The following RPS6KA6 variants were observed in gnomAD, a reference collection of about 807,000 sequenced individuals.
RPS6KA6 encodes the protein ribosomal protein S6 kinase A6.
In RPS6KA6, 27 loss-of-function variants were observed where a neutral mutation model predicts 65.4. That is an observed-to-expected ratio of 0.41 (90% CI 0.30 to 0.57). The LOEUF is 0.57. Among genes scored for constraint, RPS6KA6 ranks in the 20% least tolerant of loss-of-function variants. The pLI is 0.24. For synonymous variants in RPS6KA6, 190 were observed against 184.2 expected (o/e 1.03, Z -0.26); for missense variants, 486 against 555.6 (o/e 0.87, Z 1.26).
At chrX:84,130,475 A>G (rs1337847702) in intron 8 of RPS6KA6, among the ~76,000 whole-genome samples, 1 of 111,845 alleles carries the variant, frequency 8.9e-6, no homozygotes, top group Admixed American at 9.5e-5. Flanking sequence ...TACTCAACAT[A>G]TGATCAACTA....
At chrX:84,064,449 T>TAA (rs35061036) in intron 21 of RPS6KA6, 47 bp from the exon 22 acceptor site, 661 of 928,324 alleles carry the variant, frequency 7.1e-4, no homozygotes, top group South Asian at 1.6e-3. Flanking sequence ...ATTCTGGAGT[T>TAA]AAAAAAAAAA....
At chrX:84,143,172 A>G (rs921889271) in intron 6 of RPS6KA6, among the ~76,000 whole-genome samples, 2 of 111,333 alleles carry the variant, frequency 1.8e-5, no homozygotes, top group Non-Finnish European at 3.8e-5. Context: ...ACATCTGACT[A>G]TCAATCGATG....
intron 17 of RPS6KA6, 30 bp from the exon 18 acceptor site, chrX:84,102,228 C>T (rs1174855909): frequency 1.4e-6 from 1 of 718,721 alleles, no homozygotes; most frequent in African/African-American, 2.2e-5. Flanking sequence ...AGCATTATAT[C>T]TATATAATTA....
rs189343233 is a variant in RPS6KA6, at chrX:84,180,288, C to T, written c.81+7531G>A. 2.6e-3 allele frequency among the ~76,000 whole-genome samples: 293 copies of T among 111,970 alleles called. 1 individual carries two copies. The highest frequency in any genetic ancestry group is 9.2e-3 in the African/African-American group (284 of 30,955). On this transcript the variant is annotated intron_variant, in intron 1 of 21. Coordinates refer to ENST00000262752, the MANE Select transcript of RPS6KA6 (RefSeq NM_014496.5). ...AAAAATGTTTTATGTAATAATTTCC[C>T]CAGAATCTTCAGAAAGAAAGTGCAA...
rs892977580 is a variant in RPS6KA6 at position 84,063,503 on chromosome X, C to A, written c.*774G>T. 1 of 110,940 alleles carries A rather than the reference C, an allele frequency of 9.0e-6. No homozygotes were observed. The highest frequency in any genetic ancestry group is 3.3e-5 in the African/African-American group (1 of 30,568). 9.1% of individuals were successfully genotyped at this position (110,940 alleles called of 1,213,427 possible). ...TAACTATGACCTATTTATAAGATTA[C>A]ACCAACAGTATAAAGCCTTTGGAAA... On this transcript the variant is annotated 3_prime_UTR_variant, in exon 22 of 22. Transcript: ENST00000262752.
intron 12 of RPS6KA6, among the ~76,000 whole-genome samples, chrX:84,110,528 G>T (rs937004687): frequency 1.8e-5 from 2 of 111,881 alleles, no homozygotes; most frequent in Non-Finnish European, 3.8e-5. Flanking sequence ...TGCCACAGCT[G>T]GCTTGTACTG....
intron 6 of RPS6KA6, among the ~76,000 whole-genome samples, chrX:84,135,985 T>C (rs947318422): frequency 6.3e-5 from 7 of 111,843 alleles, no homozygotes; most frequent in African/African-American, 2.3e-4. Flanking sequence ...GACAATAATA[T>C]CTGCTGTATA....
At chrX:84,091,907 TATC>T (rs1290557473) in intron 20 of RPS6KA6, among the ~76,000 whole-genome samples, 4 of 111,554 alleles carry the variant, frequency 3.6e-5, no homozygotes, top group African/African-American at 3.3e-5. Flanking sequence ...TGGAAGCTAT[TATC>T]CTCAGCAAAC....
At chrX:84,116,724 T>C (rs1341787649) in intron 11 of RPS6KA6, among the ~76,000 whole-genome samples, 2 of 105,601 alleles carry the variant, frequency 1.9e-5, no homozygotes, top group African/African-American at 6.8e-5. Flanking sequence ...TACAGAAACA[T>C]AATATTTACT....
At chrX:84,080,199 C>A (rs958748239) in intron 20 of RPS6KA6, among the ~76,000 whole-genome samples, 3 of 104,294 alleles carry the variant, frequency 2.9e-5, no homozygotes, top group Non-Finnish European at 5.9e-5. Context: ...CTTTGCTGTT[C>A]TGCAGCCTCT....
At chrX:84,177,596 T>C (rs749379811) in intron 1 of RPS6KA6, among the ~76,000 whole-genome samples, 23 of 111,835 alleles carry the variant, frequency 2.1e-4, no homozygotes, top group Non-Finnish European at 4.1e-4. Context: ...TAAAATCAAC[T>C]TAATTAGCAC....
chrX:84,074,950 C>T (rs2033629898), intron 20 of RPS6KA6, among the ~76,000 whole-genome samples: 1 of 111,807 alleles, frequency 8.9e-6, no homozygotes, highest in Non-Finnish European at 1.9e-5. Flanking sequence ...AAAAAAGACT[C>T]AAGGCCGGGC....
intron 8 of RPS6KA6, among the ~76,000 whole-genome samples, chrX:84,124,846 T>A: frequency 9.0e-6 from 1 of 111,678 alleles, no homozygotes; most frequent in East Asian, 2.8e-4. Context: ...CAAAGAAGAC[T>A]ACCTCAAGGC....
intron 12 of RPS6KA6, among the ~76,000 whole-genome samples, chrX:84,114,525 C>T (rs1382661549): frequency 9.1e-6 from 1 of 110,352 alleles, no homozygotes; most frequent in Non-Finnish European, 1.9e-5. Context: ...CAAAAAAAAA[C>T]ATACTGACCA....
At chrX:84,176,154 C>T (rs1158931420) in intron 1 of RPS6KA6, among the ~76,000 whole-genome samples, 1 of 111,654 alleles carries the variant, frequency 9.0e-6, no homozygotes, top group East Asian at 2.8e-4. Context: ...AATGCAGCTT[C>T]CTGGTTTCTA....
At position 84,061,170 on chromosome X, in the gene RPS6KA6, T is replaced by G. The variant is rs1021701129; in HGVS notation, c.*3107A>C. ...GCTTTGCCCACTTTAAAGCCTAAGT[T>G]TTCTTGTGGGCCTTAGGGCCAAGAT... On this transcript the variant is annotated 3_prime_UTR_variant, in exon 22 of 22. Transcript: ENST00000262752. The G allele has an allele frequency of 2.7e-5, 3 of 112,544 alleles. No individual in the cohort carries two copies. Among genetic ancestry groups the G allele is most frequent in the African/African-American group, 9.7e-5 (3 of 31,034 alleles). 9.3% of individuals were successfully genotyped at this position (112,544 alleles called of 1,213,427 possible). A position where few individuals can be genotyped will look rare whatever the true frequency, so the allele number is the denominator to read the frequency against.
Position 84,187,992 on chromosome X carries a change from C to T in RPS6KA6, c.-93G>A, listed in dbSNP as rs1030931711. 8.1e-6 allele frequency: 5 copies of T among 620,102 alleles called. No homozygotes were observed. Among genetic ancestry groups the T allele is most frequent in the African/African-American group, 2.5e-5 (1 of 40,122 alleles). The allele number at this position is 620,102 out of a possible 1,213,427, so 51.1% of individuals were successfully genotyped here. A position where few individuals can be genotyped will look rare whatever the true frequency, so the allele number is the denominator to read the frequency against. ...TGAACTGGCCCGCCGCCGCCGCCGC[C>T]GCCGCCGCCGCCGCCGCGACCCCCA... On this transcript the variant is annotated 5_prime_UTR_variant, in exon 1 of 22. Coordinates refer to ENST00000262752, the MANE Select transcript of RPS6KA6 (RefSeq NM_014496.5).
At position 84,064,247 on chromosome X, in the gene RPS6KA6, A is replaced by G. The variant is rs1046055608; in HGVS notation, c.*30T>C. ...AAGCCACACATTTAATTTCATCTTC[A>G]TCCAGTTTGGCCTAGGAACACCACA... is the stretch of plus-strand genomic sequence containing the variant. On this transcript the variant is annotated 3_prime_UTR_variant, in exon 22 of 22. Transcript: ENST00000262752. 3.3e-6 allele frequency: 4 copies of G among 1,194,243 alleles called. No homozygotes were observed. In the Admixed American group the frequency reaches 7.0e-5, roughly 21 times the overall value.
chrX:84,151,178 AGC>A (rs1569235923), intron 3 of RPS6KA6, among the ~76,000 whole-genome samples: 21 of 99,522 alleles, frequency 2.1e-4, no homozygotes, highest in African/African-American at 7.7e-4. Flanking sequence ...ATATATATAT[AGC>A]TATATAGGAT....
Sources: gnomAD v4.1 joint callset for allele counts (sites outside exome capture counted in the v4.1 genomes callset) on GRCh38, gnomAD v4.1.1 for gene constraint, MANE v1.5 for transcripts, NCBI Gene and HGNC (gene_info 2026-07-23, HGNC 2026-07-21) for gene names.